The following PPP3R1 variants were observed in gnomAD, a reference collection of about 807,000 sequenced individuals.
PPP3R1 encodes the protein calcineurin subunit B type 1.
In PPP3R1, 5 loss-of-function variants were observed where a neutral mutation model predicts 22.6. That is an observed-to-expected ratio of 0.22 (90% confidence interval 0.12 to 0.46). PPP3R1 has a LOEUF of 0.46. Among genes scored for constraint, PPP3R1 ranks in the 20% least tolerant of loss-of-function variants. PPP3R1 has a pLI of 0.99. For missense variants in PPP3R1, 61 were observed against 203.2 expected (o/e 0.30, Z 4.25); for synonymous variants, 56 against 65.2 (o/e 0.86, Z 0.68).
At chr2:68,200,413 A>G (rs1274340781) in intron 2 of PPP3R1, among the ~76,000 whole-genome samples, 3 of 152,322 alleles carry the variant, frequency 2.0e-5, no homozygotes, top group South Asian at 2.1e-4. Context: ...AGATGTCACA[A>G]AAGAAGCTGA....
intron 1 of PPP3R1, among the ~76,000 whole-genome samples, chr2:68,225,354 A>G (rs932055387): frequency 1.3e-5 from 2 of 152,224 alleles, no homozygotes; most frequent in Non-Finnish European, 2.9e-5. Context: ...AGGGAAGTGG[A>G]GAGGCCACAT....
chr2:68,228,987 A>C (rs570127675), intron 1 of PPP3R1, among the ~76,000 whole-genome samples: 1 of 152,172 alleles, frequency 6.6e-6, no homozygotes, highest in South Asian at 2.1e-4. Flanking sequence ...AGGAGAACAC[A>C]TTCTTTGATT....
Position 68,217,036 on chromosome 2 carries a change from A to ATG in PPP3R1, c.43+55_43+56insCA. The ATG allele has an allele frequency of 4.7e-5, 36 of 759,666 alleles. 2 individuals are homozygous for ATG. The highest frequency in any genetic ancestry group is 6.5e-5 in the Non-Finnish European group (35 of 540,622). 47.1% of individuals were successfully genotyped at this position (759,666 alleles called of 1,614,324 possible). On this transcript the variant is annotated intron_variant, in intron 2 of 5. Transcript: ENST00000234310. Reference sequence around the variant, plus strand: ...TACACACACACACACACACACACACACACAGAGAGAGATGAGTGAATAAAA... The same window carrying ATG: ...TACACACACACACACACACACACACATGCACAGAGAGAGATGAGTGAATAAAA...
chr2:68,205,960 AG>A (rs1675112942), intron 2 of PPP3R1, among the ~76,000 whole-genome samples: 1 of 151,988 alleles, frequency 6.6e-6, no homozygotes, highest in Admixed American at 6.6e-5. Context: ...GCTGGGATTT[AG>A]GGATGCGCCA....
At chr2:68,207,931 G>A (rs1669347135) in intron 2 of PPP3R1, among the ~76,000 whole-genome samples, 1 of 152,312 alleles carries the variant, frequency 6.6e-6, no homozygotes, top group South Asian at 2.1e-4. Flanking sequence ...CGAGGCAGGC[G>A]GCTCGCCTGG....
rs1437568935 is a variant in PPP3R1, at chr2:68,182,075, C to T, written c.466-1065G>A. ...CCAGACATCTCCCCTCCTCCAACCC[C>T]CCCCTCCCCCCACCACACACACACG... On this transcript the variant is annotated intron_variant, in intron 5 of 5. Transcript: ENST00000234310. 9.4e-5 allele frequency among the ~76,000 whole-genome samples: 5 copies of T among 53,062 alleles called. No individual in the cohort carries two copies. In the South Asian group the frequency reaches 4.8e-3, roughly 51 times the overall value. The allele number at this position is 53,062 out of a possible 152,430, so 34.8% of individuals were successfully genotyped here.
chr2:68,209,780 C>T (rs1186970579), intron 2 of PPP3R1, among the ~76,000 whole-genome samples: 2 of 151,920 alleles, frequency 1.3e-5, no homozygotes, highest in African/African-American at 4.8e-5. Flanking sequence ...TTTAAACTCC[C>T]TCTATCCAAG....
chr2:68,198,470 T>C (rs1388670164), intron 2 of PPP3R1, among the ~76,000 whole-genome samples: 2 of 149,844 alleles, frequency 1.3e-5, no homozygotes, highest in African/African-American at 4.9e-5. Context: ...TACGTATATA[T>C]GCGTATGTAT....
At chr2:68,229,094 T>C (rs1572971499) in intron 1 of PPP3R1, among the ~76,000 whole-genome samples, 1 of 152,250 alleles carries the variant, frequency 6.6e-6, no homozygotes, top group African/African-American at 2.4e-5. Context: ...CATGGCTCAC[T>C]GCAGCCTCAA....
At chr2:68,249,836 T>C (rs1328331564) in intron 1 of PPP3R1, among the ~76,000 whole-genome samples, 1 of 152,200 alleles carries the variant, frequency 6.6e-6, no homozygotes, top group Non-Finnish European at 1.5e-5. Context: ...CTTTCCATAC[T>C]TGAATTAACT....
At chr2:68,217,026 A>G in intron 2 of PPP3R1, 66 bp downstream of exon 2, 1 of 1,158,694 alleles carries the variant, frequency 8.6e-7, no homozygotes, top group Non-Finnish European at 1.2e-6. Flanking sequence ...ACACACACAC[A>G]CACACACACA....
At chr2:68,208,223 A>C (rs1303989982) in intron 2 of PPP3R1, among the ~76,000 whole-genome samples, 3 of 152,212 alleles carry the variant, frequency 2.0e-5, no homozygotes, top group Admixed American at 6.5e-5. Context: ...CCAAAGCACC[A>C]GTCTGTAACT....
intron 2 of PPP3R1, among the ~76,000 whole-genome samples, chr2:68,207,418 A>ATTAACTGAAAAGGACAGCT (rs370515957): frequency 3.8e-4 from 58 of 152,322 alleles, no homozygotes; most frequent in African/African-American, 1.3e-3. Context: ...AGTTCTGAGG[A>ATTAACTGAAAAGGACAGCT]TTAACTGAAA....
At chr2:68,198,749 G>A (rs558713950) in intron 2 of PPP3R1, among the ~76,000 whole-genome samples, 1 of 152,224 alleles carries the variant, frequency 6.6e-6, no homozygotes, top group Admixed American at 6.5e-5. Context: ...AGGTCTTGAG[G>A]AAGCTATAGA....
At chr2:68,238,983 T>C (rs952058373) in intron 1 of PPP3R1, among the ~76,000 whole-genome samples, 2 of 152,212 alleles carry the variant, frequency 1.3e-5, no homozygotes, top group Admixed American at 6.5e-5. Flanking sequence ...AGTAAAAATA[T>C]TAACAAAGCT....
intron 1 of PPP3R1, among the ~76,000 whole-genome samples, chr2:68,241,447 T>C (rs988419921): frequency 6.6e-6 from 1 of 152,206 alleles, no homozygotes; most frequent in Non-Finnish European, 1.5e-5. Flanking sequence ...AAATAAGGTC[T>C]AGAGAGCTTA....
intron 2 of PPP3R1, among the ~76,000 whole-genome samples, chr2:68,206,994 G>C (rs969465617): frequency 6.6e-6 from 1 of 151,798 alleles, no homozygotes; most frequent in African/African-American, 2.4e-5. Flanking sequence ...ACCTAAATAG[G>C]GAAGTATAAA....
intron 1 of PPP3R1, among the ~76,000 whole-genome samples, chr2:68,223,158 G>A (rs916979279): frequency 4.6e-5 from 7 of 152,186 alleles, no homozygotes; most frequent in East Asian, 1.9e-4. Flanking sequence ...CACTTGGGGG[G>A]CTGAGGCAGG....
intron 2 of PPP3R1, among the ~76,000 whole-genome samples, chr2:68,190,610 G>A (rs1674645863): frequency 6.6e-6 from 1 of 152,054 alleles, no homozygotes; most frequent in Admixed American, 6.6e-5. Flanking sequence ...AAGACCTTAA[G>A]AAAACAATAG....
Sources: allele counts gnomAD v4.1 joint callset (sites outside exome capture counted in the v4.1 genomes callset), GRCh38; gene constraint gnomAD v4.1.1; transcripts MANE v1.5; gene names NCBI Gene and HGNC (gene_info 2026-07-23, HGNC 2026-07-21).